Variants in USP7 observed in about 807,000 individuals in gnomAD.
USP7 encodes the protein ubiquitin C-terminal hydrolase 7.
USP7 carries 9 observed loss-of-function variants against 162.9 expected under a neutral mutation model. That is an observed-to-expected ratio of 0.06 (90% CI 0.03 to 0.10). The LOEUF (loss-of-function observed/expected upper bound fraction) is 0.10. Ranked by LOEUF, USP7 falls within the 10% of genes least tolerant of loss-of-function variation. The probability of loss-of-function intolerance (pLI) is 1.00; values close to 1 mark genes in which losing one functional copy is unlikely to be tolerated. For synonymous variants in USP7, 562 were observed against 475.9 expected, an observed-to-expected ratio of 1.18 and a Z score of -2.35; for missense variants, 715 against 1,373.7, an observed-to-expected ratio of 0.52 and a Z score of 7.58.
intron 25 of USP7, among the ~76,000 whole-genome samples, chr16:8,897,724 A>ATACATATATATATATAT (rs59369679): frequency 5.1e-5 from 1 of 19,444 alleles, no homozygotes; most frequent in Non-Finnish European, 8.1e-5. Context: ...AAAAAAAAAA[A>ATACATATATATATATAT]AAATATATAT....
chr16:8,913,076 C>T (rs1812466711), intron 10 of USP7, among the ~76,000 whole-genome samples: 1 of 152,138 alleles, frequency 6.6e-6, no homozygotes, highest in South Asian at 2.1e-4. Context: ...ACATGGGGGG[C>T]TGGGCACGGT....
chr16:8,913,248 T>C (rs1221825785), intron 10 of USP7, among the ~76,000 whole-genome samples: 1 of 152,070 alleles, frequency 6.6e-6, no homozygotes, highest in Non-Finnish European at 1.5e-5. Context: ...CCCAGCTACT[T>C]GTGAGCCTAA....
At chr16:8,945,718 T>C (rs1899246352) in intron 1 of USP7, among the ~76,000 whole-genome samples, 1 of 152,064 alleles carries the variant, frequency 6.6e-6, no homozygotes, top group African/African-American at 2.4e-5. Flanking sequence ...AATATTTATA[T>C]GGAACAATAA....
intron 2 of USP7, among the ~76,000 whole-genome samples, chr16:8,929,115 G>C (rs775026435): frequency 9.2e-5 from 14 of 152,156 alleles, no homozygotes; most frequent in Admixed American, 2.0e-4. Flanking sequence ...GACCCGGAAT[G>C]TTCCGATAGG....
At chr16:8,933,474 T>C (rs961598042) in intron 1 of USP7, among the ~76,000 whole-genome samples, 2 of 152,216 alleles carry the variant, frequency 1.3e-5, no homozygotes, top group Non-Finnish European at 2.9e-5. Flanking sequence ...TAGAAATATA[T>C]AATTTCATAT....
Position 8,963,347 on chromosome 16 carries a change from G to A in USP7, c.-62C>T, listed in dbSNP as rs1333930472. 4.1e-5 allele frequency: 26 copies of A among 627,944 alleles called. 1 individual carries two copies. Among genetic ancestry groups the A allele is most frequent in the Non-Finnish European group, 5.1e-5 (26 of 506,130 alleles). The allele number at this position is 627,944 out of a possible 1,614,324, so 38.9% of individuals were successfully genotyped here. On this transcript the variant is annotated 5_prime_UTR_variant, in exon 1 of 31. Coordinates refer to ENST00000344836, the MANE Select transcript of USP7 (RefSeq NM_003470.3). Reference sequence around the variant, plus strand: ...CCGGGGCTGCGAGCCCGGCGGGCGGGCGGCGGCGAGCCGGGGCGGCGGCGG... The same window carrying A: ...CCGGGGCTGCGAGCCCGGCGGGCGGACGGCGGCGAGCCGGGGCGGCGGCGG...
intron 1 of USP7, among the ~76,000 whole-genome samples, chr16:8,931,937 T>C (rs1468802265): frequency 6.6e-6 from 1 of 152,214 alleles, no homozygotes; most frequent in Non-Finnish European, 1.5e-5. Flanking sequence ...CTCAACTGCA[T>C]ACAGGAGATG....
chr16:8,935,290 G>A (rs1033488258), intron 1 of USP7, among the ~76,000 whole-genome samples: 2 of 151,646 alleles, frequency 1.3e-5, no homozygotes, highest in African/African-American at 4.8e-5. Flanking sequence ...AAACTCCTGG[G>A]TTAGAGCCTC....
chr16:8,919,013 G>A lies in USP7; in HGVS notation c.720+18C>T. 1 of 1,611,356 alleles carries A rather than the reference G, an allele frequency of 6.2e-7. No individual in the cohort carries two copies. Among genetic ancestry groups the A allele is most frequent in the Non-Finnish European group, 8.5e-7 (1 of 1,178,710 alleles). On this transcript the variant is annotated intron_variant, in intron 6 of 30. Transcript: ENST00000344836. Reference sequence around the variant, plus strand: ...AGGGTGAGCGGAAGGCTGCAGGAGAGGAACACTATCCATTTACCTTTCGTA... The same window carrying A: ...AGGGTGAGCGGAAGGCTGCAGGAGAAGAACACTATCCATTTACCTTTCGTA...
chr16:8,915,433 G>A lies in USP7; in HGVS notation c.987+12C>T, dbSNP rs2062013303. ...CTTTAAAAATCATCTTTTAGAACTG[G>A]TAGCCACATACCACCATTTTGCCGC... On this transcript the variant is annotated intron_variant, in intron 9 of 30. Coordinates refer to ENST00000344836, the MANE Select transcript of USP7 (RefSeq NM_003470.3). The A allele has an allele frequency of 2.5e-6, 4 of 1,613,714 alleles. No individual in the cohort carries two copies. The highest frequency in any genetic ancestry group is 3.4e-6 in the Non-Finnish European group (4 of 1,179,976).
At chr16:8,934,017 A>G (rs1259096046) in intron 1 of USP7, among the ~76,000 whole-genome samples, 1 of 152,040 alleles carries the variant, frequency 6.6e-6, no homozygotes, top group Non-Finnish European at 1.5e-5. Flanking sequence ...TTGGCCTCCC[A>G]AAAGTGCTGA....
chr16:8,895,357 C>T (rs2061665515), intron 27 of USP7, among the ~76,000 whole-genome samples: 1 of 152,228 alleles, frequency 6.6e-6, no homozygotes, highest in Non-Finnish European at 1.5e-5. Context: ...CCCCAAAAAA[C>T]TGAATTTTAA....
chr16:8,963,376 C>G lies in USP7; in HGVS notation c.-91G>C. On this transcript the variant is annotated 5_prime_UTR_variant, in exon 1 of 31. Transcript: ENST00000344836. Reference sequence around the variant, plus strand: ...CGGCGAGCCGGGGCGGCGGCGGCGGCGGCGGCGGCGGGGCGGCCTCCTCCT... The same window carrying G: ...CGGCGAGCCGGGGCGGCGGCGGCGGGGGCGGCGGCGGGGCGGCCTCCTCCT... 3.4e-6 allele frequency: 1 copy of G among 294,920 alleles called. No individual in the cohort carries two copies. Among genetic ancestry groups the G allele is most frequent in the Non-Finnish European group, 4.9e-6 (1 of 203,506 alleles). The allele number at this position is 294,920 out of a possible 1,614,324, so 18.3% of individuals were successfully genotyped here.
At chr16:8,898,718 A>G in intron 23 of USP7, 79 bp from the exon 24 acceptor site, 2 of 1,196,650 alleles carry the variant, frequency 1.7e-6, no homozygotes, top group South Asian at 1.5e-5. Flanking sequence ...GCATAAAAGC[A>G]AACCGCTGGC....
intron 12 of USP7, among the ~76,000 whole-genome samples, chr16:8,907,821 TAATAA>T (rs1281769476): frequency 2.0e-5 from 3 of 152,082 alleles, no homozygotes; most frequent in Non-Finnish European, 4.4e-5. Context: ...CTCAAAAACA[TAATAA>T]AACAAAGTAA....
At chr16:8,907,428 C>A (rs1256618915) in intron 12 of USP7, among the ~76,000 whole-genome samples, 2 of 152,202 alleles carry the variant, frequency 1.3e-5, no homozygotes, top group Non-Finnish European at 2.9e-5. Flanking sequence ...CTCCCTTAAA[C>A]CTGAAGGCTG....
At chr16:8,896,774 C>A (rs1345993358) in intron 26 of USP7, among the ~76,000 whole-genome samples, 1 of 152,218 alleles carries the variant, frequency 6.6e-6, no homozygotes, top group Admixed American at 6.5e-5. Flanking sequence ...ACCCTCTGCA[C>A]CACAGCGGCT....
intron 25 of USP7, 45 bp from the exon 26 acceptor site, chr16:8,897,144 A>G (rs984280531): frequency 4.2e-6 from 6 of 1,428,310 alleles, no homozygotes; most frequent in Non-Finnish European, 4.9e-6. Flanking sequence ...GAAAGCATAA[A>G]AGGTCTGCTA....
intron 1 of USP7, among the ~76,000 whole-genome samples, chr16:8,961,793 A>C (rs922550367): frequency 1.3e-5 from 2 of 152,170 alleles, no homozygotes; most frequent in African/African-American, 2.4e-5. Context: ...TTCCCTCAGT[A>C]AAGTACTTCT....
Sources: allele counts gnomAD v4.1 joint callset (sites outside exome capture counted in the v4.1 genomes callset), GRCh38; gene constraint gnomAD v4.1.1; transcripts MANE v1.5; gene names NCBI Gene and HGNC (gene_info 2026-07-23, HGNC 2026-07-21).